The following SLC7A11 variants were observed in gnomAD, a reference collection of about 807,000 sequenced individuals.
The protein encoded by SLC7A11 is solute carrier family 7 member 11.
A neutral mutation model predicts 54.5 loss-of-function variants in SLC7A11; 35 were observed. The ratio of observed to expected loss-of-function variants is 0.64; its 90% confidence interval spans 0.49 to 0.85. The LOEUF is 0.85. Among genes scored for constraint, SLC7A11 ranks in the 40% least tolerant of loss-of-function variants. SLC7A11 has a pLI of 0.00. For synonymous variants in SLC7A11, 230 were observed against 225.2 expected (o/e 1.02, Z -0.19); for missense variants, 583 against 618.1 (o/e 0.94, Z 0.60).
At position 138,168,997 on chromosome 4, in the gene SLC7A11, C is replaced by G. The variant is rs1466949479; in HGVS notation, c.*2959G>C. On this transcript the variant is annotated 3_prime_UTR_variant, in exon 12 of 12. Transcript: ENST00000280612. ...TCAAGTTGTGTTTTAGCTTTAGAAT[C>G]TTTTAAAATCACAAGTATTTGAGAA... 6.6e-6 allele frequency: 1 copy of G among 152,018 alleles called. No individual in the cohort carries two copies. The highest frequency in any genetic ancestry group is 1.5e-5 in the Non-Finnish European group (1 of 67,992). The allele number at this position is 152,018 out of a possible 1,614,324, so 9.4% of individuals were successfully genotyped here.
intron 8 of SLC7A11, among the ~76,000 whole-genome samples, chr4:138,182,755 A>C (rs1736778925): frequency 6.6e-6 from 1 of 152,112 alleles, no homozygotes; most frequent in Non-Finnish European, 1.5e-5. Context: ...CCACAGGTAC[A>C]CACACCTATA....
intron 11 of SLC7A11, chr4:138,176,702 C>G (rs1443369424): frequency 6.6e-6 from 1 of 152,138 alleles, no homozygotes; most frequent in African/African-American, 2.4e-5. Flanking sequence ...CTAGGACCAC[C>G]AGCTCTTTCT....
chr4:138,210,505 G>A lies in SLC7A11; in HGVS notation c.791+4080C>T, dbSNP rs184006522. On this transcript the variant is annotated intron_variant, in intron 6 of 11. Transcript: ENST00000280612. ...CTCACAAACTATGTATCTGACAAAAGTTTAATATCCAAAATCTATAAAGAA... is the reference window on the plus strand; with the variant it reads ...CTCACAAACTATGTATCTGACAAAAATTTAATATCCAAAATCTATAAAGAA... 3.5e-3 allele frequency among the ~76,000 whole-genome samples: 538 copies of A among 152,108 alleles called. 3 individuals carry two copies. Among genetic ancestry groups the A allele is most frequent in the Middle Eastern group, 6.8e-3 (2 of 294 alleles).
At chr4:138,182,155 A>G in intron 9 of SLC7A11, 142 bp downstream of exon 9, 2 of 578,512 alleles carry the variant, frequency 3.5e-6, no homozygotes, top group Non-Finnish European at 6.2e-6. Context: ...GAGATGGAAG[A>G]TATCCTGCCT....
At chr4:138,229,056 T>C (rs1738014206) in intron 3 of SLC7A11, among the ~76,000 whole-genome samples, 1 of 152,216 alleles carries the variant, frequency 6.6e-6, no homozygotes, top group African/African-American at 2.4e-5. Flanking sequence ...TTGAAATTCT[T>C]TTTTTCTATG....
At chr4:138,237,908 C>A (rs560323549) in intron 1 of SLC7A11, among the ~76,000 whole-genome samples, 76 of 149,278 alleles carry the variant, frequency 5.1e-4, no homozygotes, top group African/African-American at 1.5e-3. Flanking sequence ...CCTGCCAGCA[C>A]GCCTGGCTAA....
chr4:138,216,873 C>A (rs1035218660), intron 5 of SLC7A11, among the ~76,000 whole-genome samples: 3 of 152,080 alleles, frequency 2.0e-5, no homozygotes, highest in Non-Finnish European at 4.4e-5. Flanking sequence ...TTACACTTAC[C>A]CACTGATAAT....
rs751769747 is a variant in SLC7A11, at chr4:138,214,663, T to C, written c.747-34A>G. ...AGATAAATAAATTATAAACTATTAA[T>C]ATATTTTACCATTATCCAAAGTCTC... On this transcript the variant is annotated intron_variant, in intron 5 of 11. Transcript: ENST00000280612. 3 of 827,750 alleles carry C rather than the reference T, an allele frequency of 3.6e-6. No individual in the cohort carries two copies. In the East Asian group the frequency reaches 9.6e-5, roughly 27 times the overall value. The allele number at this position is 827,750 out of a possible 1,614,324, so 51.3% of individuals were successfully genotyped here. A position where few individuals can be genotyped will look rare whatever the true frequency, so the allele number is the denominator to read the frequency against.
chr4:138,222,613 T>A (rs541882305), intron 4 of SLC7A11, among the ~76,000 whole-genome samples: 66 of 152,342 alleles, frequency 4.3e-4, no homozygotes, highest in African/African-American at 1.5e-3. Flanking sequence ...ATAAAGCAAG[T>A]AATCGCAGAA....
chr4:138,240,565 C>CAAA (rs367662536), intron 1 of SLC7A11, among the ~76,000 whole-genome samples: 10,016 of 133,694 alleles, frequency 0.075, 473 homozygotes, highest in South Asian at 0.088. Context: ...GTCTCTGTCT[C>CAAA]AAAAAAAAAA....
chr4:138,225,551 C>G (rs1737927601), intron 3 of SLC7A11, among the ~76,000 whole-genome samples: 1 of 152,008 alleles, frequency 6.6e-6, no homozygotes, highest in Admixed American at 6.6e-5. Flanking sequence ...AATTATTTAT[C>G]TCTCCCCAAT....
chr4:138,214,283 G>A (rs1737627199), intron 6 of SLC7A11, among the ~76,000 whole-genome samples: 1 of 151,886 alleles, frequency 6.6e-6, no homozygotes, highest in Admixed American at 6.6e-5. Context: ...ATATGTATGT[G>A]TTTATATGGG....
At position 138,167,306 on chromosome 4, in the gene SLC7A11, C is replaced by T. The variant is rs1245175774; in HGVS notation, c.*4650G>A. The T allele has an allele frequency of 7.9e-5, 12 of 151,706 alleles. No individual in the cohort carries two copies. Among genetic ancestry groups the T allele is most frequent in the Admixed American group, 7.9e-4 (12 of 15,220 alleles). The allele number at this position is 151,706 out of a possible 1,614,324, so 9.4% of individuals were successfully genotyped here. A position where few individuals can be genotyped will look rare whatever the true frequency, so the allele number is the denominator to read the frequency against. ...AGCTGGGATTACAGGCGCCTGCCAC[C>T]ACGCCCGGCTAATTTTTATATTTTT... is the stretch of plus-strand genomic sequence containing the variant. On this transcript the variant is annotated 3_prime_UTR_variant, in exon 12 of 12. Coordinates refer to ENST00000280612, the MANE Select transcript of SLC7A11 (RefSeq NM_014331.4).
intron 11 of SLC7A11, among the ~76,000 whole-genome samples, chr4:138,175,409 T>C (rs191591572): frequency 4.6e-5 from 7 of 152,242 alleles, no homozygotes; most frequent in Admixed American, 4.6e-4. Context: ...GGCTGCTAAA[T>C]AGAGACAGCC....
intron 6 of SLC7A11, among the ~76,000 whole-genome samples, chr4:138,209,999 T>C (rs1022154441): frequency 6.6e-6 from 1 of 151,788 alleles, no homozygotes; most frequent in Non-Finnish European, 1.5e-5. Context: ...AACCATACTA[T>C]AGGGTTACAG....
chr4:138,223,283 C>G lies in SLC7A11; in HGVS notation c.562G>C (p.Ala188Pro), dbSNP rs762689107. ...AAGGTTAAGAAAATCTGGATCCGGG[C>G]GCTCCAGCTGACACTCATGCTATTT... ...VLNSMSVSWS[A>P]RIQIFLTFCK... The change falls in exon 4 of 12, where the codon GCC (alanine) becomes CCC (proline). Residue 188 changes from alanine to proline, a missense_variant. Ala to Pro is a conservative substitution (Grantham distance 27). Transcript: ENST00000280612. 1 of 1,613,378 alleles carries G rather than the reference C, an allele frequency of 6.2e-7. No individual in the cohort carries two copies. Among genetic ancestry groups the G allele is most frequent in the Non-Finnish European group, 8.5e-7 (1 of 1,179,360 alleles).
chr4:138,183,412 C>G, intron 7 of SLC7A11, 107 bp from the exon 8 acceptor site: 1 of 704,158 alleles, frequency 1.4e-6, no homozygotes, highest in Non-Finnish European at 2.5e-6. Context: ...CCTGGTGATA[C>G]TTGTATGTTT....
At chr4:138,209,540 T>A (rs1372469908) in intron 6 of SLC7A11, among the ~76,000 whole-genome samples, 2 of 146,284 alleles carry the variant, frequency 1.4e-5, no homozygotes, top group Non-Finnish European at 3.0e-5. Flanking sequence ...TCAGTAAAGT[T>A]TCAAGATACA....
chr4:138,173,359 G>A (rs1294437017), intron 11 of SLC7A11, among the ~76,000 whole-genome samples: 3 of 151,874 alleles, frequency 2.0e-5, no homozygotes, highest in Non-Finnish European at 4.4e-5. Context: ...TTCAGGCCGG[G>A]TGCAGTGGCT....
Sources: allele counts gnomAD v4.1 joint callset (sites outside exome capture counted in the v4.1 genomes callset), GRCh38; gene constraint gnomAD v4.1.1; transcripts MANE v1.5; gene names NCBI Gene and HGNC (gene_info 2026-07-23, HGNC 2026-07-21).